The following RANBP2 variants were observed in gnomAD, a reference collection of about 807,000 sequenced individuals.
The protein encoded by RANBP2 is RAN binding protein 2.
A neutral mutation model predicts 303.6 loss-of-function variants in RANBP2; 57 were observed. The ratio of observed to expected loss-of-function variants is 0.19; its 90% CI spans 0.15 to 0.23. The LOEUF (loss-of-function observed/expected upper bound fraction) is 0.23, where lower values mean the gene tolerates loss of function less well. Among genes scored for constraint, RANBP2 ranks in the 10% least tolerant of loss-of-function variants. The probability of loss-of-function intolerance (pLI) is 1.00; values close to 1 mark genes in which losing one functional copy is unlikely to be tolerated. For missense variants in RANBP2, 3,138 were observed against 3,780.8 expected (o/e 0.83, Z 4.46); for synonymous variants, 1,167 against 1,301.5 (o/e 0.90, Z 2.23).
chr2:109,005,688 G>A, the RANBP2 span, among the ~76,000 whole-genome samples: 1 of 152,162 alleles, frequency 6.6e-6, no homozygotes, highest in East Asian at 1.9e-4. Flanking sequence ...TACAACCAGC[G>A]TTTTGTTCCA....
the RANBP2 span, among the ~76,000 whole-genome samples, chr2:109,493,797 A>G: frequency 1.4e-3 from 217 of 152,182 alleles, no homozygotes; most frequent in Non-Finnish European, 1.4e-3. Flanking sequence ...AAACACACAT[A>G]ACACACAGAT....
chr2:109,249,501 CTTTCTTTCATTCTTTCTT>C, the RANBP2 span, among the ~76,000 whole-genome samples: 1,390 of 34,442 alleles, frequency 0.04, 31 homozygotes, highest in East Asian at 0.099. Context: ...TTCTTTCTTT[CTTTCTTTCATTCTTTCTT>C]TTTCTTTCTT....
the RANBP2 span, among the ~76,000 whole-genome samples, chr2:109,481,887 A>G: frequency 6.6e-6 from 1 of 152,148 alleles, no homozygotes; most frequent in Non-Finnish European, 1.5e-5. Flanking sequence ...TCACTGTTTT[A>G]TCACCACGGA....
At chr2:109,114,383 T>G in the RANBP2 span, among the ~76,000 whole-genome samples, 1 of 152,252 alleles carries the variant, frequency 6.6e-6, no homozygotes, top group East Asian at 1.9e-4. Flanking sequence ...GTTGAGGAAT[T>G]TACCCATTTC....
At chr2:108,842,072 C>T in the RANBP2 span, among the ~76,000 whole-genome samples, 171 of 152,254 alleles carry the variant, frequency 1.1e-3, no homozygotes, top group Admixed American at 6.3e-3. Flanking sequence ...CTCTGTTGCT[C>T]AGGCAGGAGT....
the RANBP2 span, among the ~76,000 whole-genome samples, chr2:109,078,172 G>GTA: frequency 7.0e-5 from 7 of 100,426 alleles, no homozygotes; most frequent in East Asian, 1.8e-3. Context: ...TATATAGCGT[G>GTA]TATATATATA....
chr2:109,540,136 G>A, the RANBP2 span, among the ~76,000 whole-genome samples: 1 of 152,224 alleles, frequency 6.6e-6, no homozygotes, highest in Non-Finnish European at 1.5e-5. Context: ...TACCTTAACT[G>A]TATTATGATC....
At chr2:109,634,186 A>C in the RANBP2 span, among the ~76,000 whole-genome samples, 1 of 151,808 alleles carries the variant, frequency 6.6e-6, no homozygotes, top group East Asian at 1.9e-4. Context: ...GAATGTATTC[A>C]AAGATATAAT....
At chr2:109,018,564 C>T in the RANBP2 span, among the ~76,000 whole-genome samples, 1 of 152,230 alleles carries the variant, frequency 6.6e-6, no homozygotes, top group Non-Finnish European at 1.5e-5. Flanking sequence ...TGTGCGCTGA[C>T]CCCTGCTCTC....
the RANBP2 span, among the ~76,000 whole-genome samples, chr2:108,918,440 A>G: frequency 4.6e-5 from 7 of 152,188 alleles, no homozygotes; most frequent in African/African-American, 1.7e-4. Flanking sequence ...TGGGTGGCCA[A>G]CTGCGGGTCC....
the RANBP2 span, among the ~76,000 whole-genome samples, chr2:109,424,908 A>G: frequency 6.6e-6 from 1 of 152,256 alleles, no homozygotes; most frequent in Non-Finnish European, 1.5e-5. Context: ...AAAGTTAGAA[A>G]TGATTAAGCT....
the RANBP2 span, among the ~76,000 whole-genome samples, chr2:109,305,009 A>T: frequency 6.6e-6 from 1 of 152,110 alleles, no homozygotes; most frequent in African/African-American, 2.4e-5. Flanking sequence ...ATTTGTCTGG[A>T]TATCTGGTTT....
the RANBP2 span, among the ~76,000 whole-genome samples, chr2:108,891,701 T>A: frequency 6.6e-6 from 1 of 151,978 alleles, no homozygotes. Context: ...GGTGTGTAGG[T>A]GGGTTTTTGG....
the RANBP2 span, among the ~76,000 whole-genome samples, chr2:109,174,412 A>G: frequency 6.6e-6 from 1 of 152,182 alleles, no homozygotes; most frequent in African/African-American, 2.4e-5. Context: ...TTGGCAGCCA[A>G]TACTCCACAG....
At chr2:109,194,808 G>T in the RANBP2 span, among the ~76,000 whole-genome samples, 1 of 152,144 alleles carries the variant, frequency 6.6e-6, no homozygotes, top group Non-Finnish European at 1.5e-5. Flanking sequence ...AAATTCACAG[G>T]ACGAAAAGAT....
At chr2:108,969,958 C>G in the RANBP2 span, among the ~76,000 whole-genome samples, 1 of 152,204 alleles carries the variant, frequency 6.6e-6, no homozygotes, top group African/African-American at 2.4e-5. Flanking sequence ...TTTCTTTAAA[C>G]ACAGTTAAAA....
At chr2:109,006,042 CT>C in the RANBP2 span, among the ~76,000 whole-genome samples, 2 of 152,208 alleles carry the variant, frequency 1.3e-5, no homozygotes, top group East Asian at 3.9e-4. Context: ...GGCGGTGTTG[CT>C]TCCGTGGGTT....
the RANBP2 span, among the ~76,000 whole-genome samples, chr2:109,353,749 G>A: frequency 1.1e-4 from 16 of 152,326 alleles, no homozygotes; most frequent in East Asian, 2.3e-3. Context: ...ACCCAAAGAC[G>A]TGGAGACAAG....
At chr2:108,848,898 A>G in the RANBP2 span, among the ~76,000 whole-genome samples, 1 of 152,250 alleles carries the variant, frequency 6.6e-6, no homozygotes, top group Admixed American at 6.5e-5. Flanking sequence ...TTTTAAGAAC[A>G]TAGAATCTTA....
Sources: gnomAD v4.1 joint callset for allele counts (sites outside exome capture counted in the v4.1 genomes callset) on GRCh38, gnomAD v4.1.1 for gene constraint, MANE v1.5 for transcripts, NCBI Gene and HGNC (gene_info 2026-07-23, HGNC 2026-07-21) for gene names.